NKIRAS1: variants seen among roughly 807,000 people sequenced by gnomAD.
NKIRAS1 encodes NFKB inhibitor interacting Ras like 1, also known as NF-kappa-B inhibitor-interacting Ras-like protein 1.
In NKIRAS1, 16 loss-of-function variants were observed where a neutral mutation model predicts 19.8. That is an observed-to-expected ratio of 0.81 (90% CI 0.55 to 1.23). The LOEUF (loss-of-function observed/expected upper bound fraction) is 1.23, where lower values mean the gene tolerates loss of function less well. Ranked by LOEUF, NKIRAS1 falls within the 50% of genes most tolerant of loss-of-function variation. NKIRAS1 has a pLI of 0.00. For synonymous variants in NKIRAS1, 88 were observed against 79.0 expected (o/e 1.11, Z -0.61); for missense variants, 184 against 220.0 (o/e 0.84, Z 1.04).
upstream of NKIRAS1, chr3:23,921,648 C>T (rs1265077079): frequency 4.6e-6 from 3 of 647,774 alleles, no homozygotes; most frequent in South Asian, 1.6e-5. Flanking sequence ...AATCACGGCT[C>T]ACTGCAACCT....
At chr3:23,919,752 G>A (rs1704968812), upstream of NKIRAS1, 2 of 1,253,454 alleles carry the variant, frequency 1.6e-6, no homozygotes, top group Non-Finnish European at 1.0e-6. Flanking sequence ...AACATACTGT[G>A]TGGTATAACA....
chr3:23,900,378 T>C (rs1210271926), intron 4 of NKIRAS1, among the ~76,000 whole-genome samples: 1 of 152,136 alleles, frequency 6.6e-6, no homozygotes, highest in East Asian at 1.9e-4. Context: ...CTCACACGTG[T>C]AATCCCAGCA....
rs551152954 is a variant in NKIRAS1, at chr3:23,922,655, G to C, written c.-139-11205C>G. 6.6e-6 allele frequency: 1 copy of C among 152,152 alleles called. No homozygotes were observed. The highest frequency in any genetic ancestry group is 2.4e-5 in the African/African-American group (1 of 41,406). 9.4% of individuals were successfully genotyped at this position (152,152 alleles called of 1,614,324 possible). A position where few individuals can be genotyped will look rare whatever the true frequency, so the allele number is the denominator to read the frequency against. The stretch of plus-strand genomic sequence containing the variant: ...CCCGCCTTGGCCTCCCAAAGTGCCG[G>C]GATTACAGGTGTCAGCCACTGCACG... On this transcript the variant is annotated intron_variant, in intron 1 of 4. Transcript: ENST00000421515. This position sits in a 1 kb window ranked among gnomAD's most constrained non-coding sequence, Gnocchi z 4.2.
chr3:23,938,374 A>G (rs1364227449), intron 1 of NKIRAS1, among the ~76,000 whole-genome samples: 1 of 151,884 alleles, frequency 6.6e-6, no homozygotes, highest in Non-Finnish European at 1.5e-5. Context: ...CACACCCAAC[A>G]AATTTTTAAA....
At chr3:23,897,474 C>T (rs1276744338) in intron 4 of NKIRAS1, among the ~76,000 whole-genome samples, 1 of 152,126 alleles carries the variant, frequency 6.6e-6, no homozygotes, top group African/African-American at 2.4e-5. Flanking sequence ...TAAATAAATG[C>T]AACTTAAGCC....
chr3:23,945,135 G>C (rs1325126520), intron 1 of NKIRAS1: 3 of 150,632 alleles, frequency 2.0e-5, no homozygotes, highest in East Asian at 2.0e-4. Context: ...AGGGGAGAAG[G>C]GGGAAGCGCA....
intron 1 of NKIRAS1, chr3:23,946,111 C>T (rs898433376): frequency 6.1e-6 from 6 of 984,750 alleles, no homozygotes; most frequent in Admixed American, 6.2e-5. Context: ...GCAGTGACGT[C>T]GCCGCGATTC....
rs759910640 is a variant in NKIRAS1, at chr3:23,892,010, G to A, written c.*1085C>T. The stretch of plus-strand genomic sequence containing the variant: ...CAGCAATAGCTGATTTGTAAGTATC[G>A]TCTTTTATATGTAGTAGTTCTTCAC... On this transcript the variant is annotated 3_prime_UTR_variant, in exon 5 of 5. Coordinates refer to ENST00000425478, the MANE Select transcript of NKIRAS1 (RefSeq NM_020345.4). The A allele has an allele frequency of 2.6e-5, 4 of 152,106 alleles. No individual in the cohort carries two copies. Among genetic ancestry groups the A allele is most frequent in the Non-Finnish European group, 4.4e-5 (3 of 68,028 alleles). The allele number at this position is 152,106 out of a possible 1,614,324, so 9.4% of individuals were successfully genotyped here.
chr3:23,910,871 A>G lies in NKIRAS1; in HGVS notation c.34T>C (p.Leu12=). 1 of 1,614,206 alleles carries G rather than the reference A, an allele frequency of 6.2e-7. No homozygotes were observed. The highest frequency in any genetic ancestry group is 1.3e-5 in the African/African-American group (1 of 75,060). ...ATTGCAGTTTTCCCCACAGATAACA[A>G]TCCACAAACCACAACCTTGCAGCCC... is the stretch of plus-strand genomic sequence containing the variant. ...GKGCKVVVCG[L]LSVGKTAILE... The change falls in exon 3 of 5, where the codon TTG becomes CTG. Residue 12 remains leucine (L), a synonymous_variant. Coordinates refer to ENST00000425478, the MANE Select transcript of NKIRAS1 (RefSeq NM_020345.4).
chr3:23,929,063 G>T (rs1173596141), intron 1 of NKIRAS1, among the ~76,000 whole-genome samples: 1 of 150,370 alleles, frequency 6.7e-6, no homozygotes, highest in Non-Finnish European at 1.5e-5. Flanking sequence ...AAAATTAACT[G>T]TAAAAACCAT....
In NKIRAS1 at chr3:23,928,012, G is replaced by A. The variant is rs144269146; in HGVS notation, c.-139-16562C>T. Among the ~76,000 whole-genome samples, 131 of 152,010 alleles carry A rather than the reference G, an allele frequency of 8.6e-4. 2 individuals carry two copies. The highest frequency in any genetic ancestry group is 2.8e-3 in the African/African-American group (117 of 41,480). On this transcript the variant is annotated intron_variant, in intron 1 of 4. Transcript: ENST00000421515. ...AAGAATTGCTTGAGCCTGGGAAGTC[G>A]AAGCTACAGTGAGCCATGTTGGTGC...
chr3:23,941,258 T>G (rs1388281348), intron 1 of NKIRAS1, among the ~76,000 whole-genome samples: 1 of 152,196 alleles, frequency 6.6e-6, no homozygotes, highest in Non-Finnish European at 1.5e-5. Flanking sequence ...TTCATCTAGG[T>G]CCTCATACTG....
At chr3:23,921,900 G>T (rs1575124985), upstream of NKIRAS1, 1 of 407,504 alleles carries the variant, frequency 2.5e-6, no homozygotes, top group Admixed American at 4.2e-5. Context: ...GTACAGACAG[G>T]ATCTCACTAT....
At chr3:23,944,477 T>C (rs934878830) in intron 1 of NKIRAS1, among the ~76,000 whole-genome samples, 2 of 152,226 alleles carry the variant, frequency 1.3e-5, no homozygotes, top group Admixed American at 6.5e-5. Flanking sequence ...ATCAATGCAC[T>C]TTCCTCAGAA....
chr3:23,918,130 G>C, upstream of NKIRAS1: 3 of 1,427,886 alleles, frequency 2.1e-6, no homozygotes, highest in Non-Finnish European at 2.8e-6. Context: ...GTCTTTCTTC[G>C]CATAGGGCTT....
intron 3 of NKIRAS1, among the ~76,000 whole-genome samples, chr3:23,904,935 T>C (rs1356610969): frequency 2.0e-5 from 3 of 152,142 alleles, no homozygotes; most frequent in Non-Finnish European, 2.9e-5. Context: ...TTTCATGCAA[T>C]AGAATGTTAC....
At chr3:23,901,332 G>T (rs1219711815) in intron 3 of NKIRAS1, among the ~76,000 whole-genome samples, 1 of 151,804 alleles carries the variant, frequency 6.6e-6, no homozygotes, top group African/African-American at 2.4e-5. Context: ...GGGACTACAG[G>T]TGCCATCATG....
rs1385896327 is a variant in NKIRAS1, at chr3:23,892,233, TTA to T, written c.*860_*861del. Reference sequence around the variant, plus strand: ...CATTGCTTGAGTCTTGCCAAAATCTTTAGAGAAACAACACAAACTCAGACATC... The same window carrying T: ...CATTGCTTGAGTCTTGCCAAAATCTTGAGAAACAACACAAACTCAGACATC... On this transcript the variant is annotated 3_prime_UTR_variant, in exon 5 of 5. Coordinates refer to ENST00000425478, the MANE Select transcript of NKIRAS1 (RefSeq NM_020345.4). The T allele has an allele frequency of 6.6e-6, 1 of 152,200 alleles. No individual in the cohort carries two copies. The highest frequency in any genetic ancestry group is 1.5e-5 in the Non-Finnish European group (1 of 68,026). 9.4% of individuals were successfully genotyped at this position (152,200 alleles called of 1,614,324 possible). A position where few individuals can be genotyped will look rare whatever the true frequency, so the allele number is the denominator to read the frequency against.
At chr3:23,909,185 A>T (rs1703387272) in intron 3 of NKIRAS1, among the ~76,000 whole-genome samples, 2 of 152,216 alleles carry the variant, frequency 1.3e-5, no homozygotes, top group African/African-American at 4.8e-5. Context: ...ATTATTTTAG[A>T]AAGCTAGAAG....
Sources: allele counts gnomAD v4.1 joint callset (sites outside exome capture counted in the v4.1 genomes callset), GRCh38; gene constraint gnomAD v4.1.1; non-coding constraint Gnocchi (gnomAD v3.1); transcripts MANE v1.5; gene names NCBI Gene and HGNC (gene_info 2026-07-23, HGNC 2026-07-21).